Variants in PTPRT observed in about 807,000 individuals in gnomAD.
The protein encoded by PTPRT is receptor-type tyrosine-protein phosphatase T.
A neutral mutation model predicts 176.8 loss-of-function variants in PTPRT; 56 were observed. The observed-to-expected ratio is 0.32, with a 90% CI of 0.26 to 0.40. PTPRT has a LOEUF of 0.40. Among genes scored for constraint, PTPRT ranks in the 10% least tolerant of loss-of-function variants. The pLI, the probability that PTPRT is intolerant of heterozygous loss-of-function variation, is 1.00. For missense variants in PTPRT, 1,540 were observed against 1,908.2 expected (o/e 0.81, Z 3.60); for synonymous variants, 783 against 739.0 (o/e 1.06, Z -0.96).
In PTPRT at chr20:42,861,120, A is replaced by G. The variant is rs577253545; in HGVS notation, c.214+24687T>C. On this transcript the variant is annotated intron_variant, in intron 2 of 30. Coordinates refer to ENST00000373187, the MANE Select transcript of PTPRT (RefSeq NM_007050.6). ...CCAATGGCAGAGTTTGGCCATGGAC[A>G]GAAGACCAGGGGGTGGCTGTGTTCC... Among the ~76,000 whole-genome samples, 11 of 152,328 alleles carry G rather than the reference A, an allele frequency of 7.2e-5. No homozygotes were observed. In the South Asian group the frequency reaches 1.2e-3, roughly 17 times the overall value.
rs200719616 is a variant in PTPRT at position 42,578,890 on chromosome 20, G to GT, written c.1153+98975dup. Among the ~76,000 whole-genome samples, 135 of 123,824 alleles carry GT rather than the reference G, an allele frequency of 1.1e-3. 1 individual carries two copies. The highest frequency in any genetic ancestry group is 1.2e-3 in the Admixed American group (14 of 11,400). The allele number at this position is 123,824 out of a possible 152,430, so 81.2% of individuals were successfully genotyped here. ...TTACAATGGCCTTTGAGTCTTGCAA[G>GT]TTTTTTTTTTTTGGGGGGGGGTCGG... is the stretch of plus-strand genomic sequence containing the variant. On this transcript the variant is annotated intron_variant, in intron 7 of 30. Transcript: ENST00000373187.
chr20:42,794,496 T>C (rs955874283), intron 2 of PTPRT, among the ~76,000 whole-genome samples: 2 of 152,110 alleles, frequency 1.3e-5, no homozygotes, highest in Non-Finnish European at 2.9e-5. Flanking sequence ...GTGAGAATCA[T>C]TGGCCCATTC....
chr20:42,039,012 T>C, the PTPRT span, among the ~76,000 whole-genome samples: 2 of 152,124 alleles, frequency 1.3e-5, no homozygotes, highest in African/African-American at 4.8e-5. Flanking sequence ...ATACCAAATT[T>C]TGCCATGTTG....
chr20:43,116,509 CAAAATAGCAAT>C (rs1166353890), intron 1 of PTPRT, among the ~76,000 whole-genome samples: 2 of 152,140 alleles, frequency 1.3e-5, no homozygotes, highest in Non-Finnish European at 2.9e-5. Context: ...TAAATAATAG[CAAAATAGCAAT>C]GTCCTTTCCA....
intron 11 of PTPRT, among the ~76,000 whole-genome samples, chr20:42,349,515 C>A (rs2058245870): frequency 6.6e-6 from 1 of 152,188 alleles, no homozygotes; most frequent in South Asian, 2.1e-4. Context: ...GTTTGACTTT[C>A]TTTAGGATGT....
chr20:42,665,843 A>G (rs2075306453), intron 7 of PTPRT, among the ~76,000 whole-genome samples: 2 of 151,640 alleles, frequency 1.3e-5, no homozygotes, highest in Non-Finnish European at 2.9e-5. Flanking sequence ...TCTCGCAAGG[A>G]CAAAAAACCA....
chr20:42,124,828 G>T (rs747106240), intron 19 of PTPRT, among the ~76,000 whole-genome samples: 2 of 152,196 alleles, frequency 1.3e-5, no homozygotes, highest in Non-Finnish European at 2.9e-5. Flanking sequence ...GGAGTTGCTT[G>T]TGGTTGGCTT....
At chr20:42,453,512 C>T (rs2070867874) in intron 8 of PTPRT, among the ~76,000 whole-genome samples, 1 of 151,836 alleles carries the variant, frequency 6.6e-6, no homozygotes, top group African/African-American at 2.4e-5. Context: ...TACACATGTG[C>T]CCACTATCTG....
chr20:42,053,993 T>G, the PTPRT span, among the ~76,000 whole-genome samples: 69,428 of 151,996 alleles, frequency 0.46, 18,843 homozygotes, highest in African/African-American at 0.77. Flanking sequence ...TGGGGTCTGA[T>G]GTCAGGGATC....
chr20:42,310,507 G>A lies in PTPRT; in HGVS notation c.2139+5216C>T, dbSNP rs1268773819. Among the ~76,000 whole-genome samples, 3 of 152,004 alleles carry A rather than the reference G, an allele frequency of 2.0e-5. No individual in the cohort carries two copies. In the East Asian group the frequency reaches 5.8e-4, roughly 29 times the overall value. ...GGAGACAGAATTTAGCTCTATATGG[G>A]AAAAAAGCTTTAACAATTTTACCTG... On this transcript the variant is annotated intron_variant, in intron 12 of 30. Coordinates refer to ENST00000373187, the MANE Select transcript of PTPRT (RefSeq NM_007050.6).
intron 1 of PTPRT, among the ~76,000 whole-genome samples, chr20:43,058,212 A>G (rs546001485): frequency 1.3e-5 from 2 of 152,162 alleles, no homozygotes; most frequent in Non-Finnish European, 2.9e-5. Context: ...TAATAAAAAA[A>G]GTAAGAGGGG....
chr20:42,163,893 G>A (rs1053281210), intron 16 of PTPRT, among the ~76,000 whole-genome samples: 1 of 152,220 alleles, frequency 6.6e-6, no homozygotes, highest in African/African-American at 2.4e-5. Context: ...TCTTGTAGGT[G>A]TCCCAGCTGT....
intron 4 of PTPRT, among the ~76,000 whole-genome samples, chr20:42,772,812 ACTGAGAG>A (rs1323104260): frequency 6.6e-6 from 1 of 152,242 alleles, no homozygotes; most frequent in African/African-American, 2.4e-5. Context: ...AATGTCATTT[ACTGAGAG>A]CTCCTACAAT....
intron 1 of PTPRT, among the ~76,000 whole-genome samples, chr20:42,895,963 A>G (rs1486958150): frequency 6.6e-6 from 1 of 152,142 alleles, no homozygotes; most frequent in Non-Finnish European, 1.5e-5. Context: ...TCTCCTCCAA[A>G]GACTCGATTG....
chr20:42,048,222 A>G, the PTPRT span, among the ~76,000 whole-genome samples: 2 of 152,258 alleles, frequency 1.3e-5, no homozygotes, highest in Admixed American at 6.5e-5. Flanking sequence ...CATATGGGAA[A>G]CTCAGTTCTT....
chr20:42,958,140 G>A (rs1185575397), intron 1 of PTPRT, among the ~76,000 whole-genome samples: 5 of 123,562 alleles, frequency 4.0e-5, no homozygotes, highest in Admixed American at 1.7e-4. Flanking sequence ...TGTGTACCTC[G>A]AGAGGCTAGG....
chr20:42,225,942 C>T (rs186332767), intron 15 of PTPRT, among the ~76,000 whole-genome samples: 2 of 152,280 alleles, frequency 1.3e-5, no homozygotes, highest in East Asian at 1.9e-4. Context: ...TGTGAGCCAC[C>T]GCACCAGGCC....
intron 7 of PTPRT, among the ~76,000 whole-genome samples, chr20:42,626,812 G>A (rs2145875303): frequency 6.6e-6 from 1 of 152,310 alleles, no homozygotes; most frequent in South Asian, 2.1e-4. Flanking sequence ...GACCACTAAG[G>A]ATCTGTTACT....
chr20:42,351,828 G>A (rs894276479), intron 10 of PTPRT, among the ~76,000 whole-genome samples: 2 of 152,188 alleles, frequency 1.3e-5, no homozygotes, highest in African/African-American at 2.4e-5. Context: ...CTACACACAC[G>A]TGTACTATTT....
Sources: gnomAD v4.1 joint callset for allele counts (sites outside exome capture counted in the v4.1 genomes callset) on GRCh38, gnomAD v4.1.1 for gene constraint, MANE v1.5 for transcripts, NCBI Gene and HGNC (gene_info 2026-07-23, HGNC 2026-07-21) for gene names.